Variants in ROBO2 observed in about 807,000 individuals in gnomAD.
ROBO2 encodes the protein roundabout homolog 2.
ROBO2 carries 53 observed loss-of-function variants against 160.8 expected under a neutral mutation model. That is an observed-to-expected ratio of 0.33 (90% CI 0.26 to 0.41). The LOEUF is 0.41. ROBO2 is among the 10% of genes least tolerant of loss of function. The pLI is 1.00. For missense variants in ROBO2, 1,577 were observed against 1,722.4 expected, an observed-to-expected ratio of 0.92 and a Z score of 1.49; for synonymous variants, 664 against 611.7, an observed-to-expected ratio of 1.09 and a Z score of -1.26.
In ROBO2 at chr3:76,032,192, C is replaced by G. The variant is rs897815606; in HGVS notation, c.109+94590C>G. 1.8e-4 allele frequency among the ~76,000 whole-genome samples: 28 copies of G among 152,010 alleles called. 1 individual carries two copies. The highest frequency in any genetic ancestry group is 6.8e-4 in the African/African-American group (28 of 41,404). On this transcript the variant is annotated intron_variant, in intron 2 of 26. Coordinates refer to the ROBO2 transcript ENST00000487694. ...ATGGTAGTTTGTATTTCTGTGGGAT[C>G]GGTGGTGATATCCCCTTTATCATTT...
intron 2 of ROBO2, among the ~76,000 whole-genome samples, chr3:76,216,025 A>C (rs980404534): frequency 2.0e-5 from 3 of 152,194 alleles, no homozygotes; most frequent in Admixed American, 1.3e-4. Flanking sequence ...TAAAGGAAAG[A>C]ATTTTCAACC....
At chr3:77,589,853 G>A (rs775729) in intron 17 of ROBO2, among the ~76,000 whole-genome samples, 152,110 of 152,290 alleles carry the variant, frequency 1, 75,965 homozygotes, top group Middle Eastern at 1. Flanking sequence ...TAAGGGAGCA[G>A]TTTTAATTTG....
At chr3:76,622,187 A>G (rs5019081) in intron 2 of ROBO2, among the ~76,000 whole-genome samples, 3,910 of 56,914 alleles carry the variant, frequency 0.069, 946 homozygotes, top group South Asian at 0.14. Context: ...CTACTAAAAA[A>G]AAGAAAGGAA....
At chr3:77,342,552 G>A (rs147604723) in intron 2 of ROBO2, among the ~76,000 whole-genome samples, 79 of 152,190 alleles carry the variant, frequency 5.2e-4, no homozygotes, top group African/African-American at 1.6e-3. Context: ...TATAAACTGC[G>A]TCTGAATATC....
In ROBO2 at chr3:77,317,106, C is replaced by G. The variant is rs944634956; in HGVS notation, c.389-160308C>G. 2.3e-6 allele frequency: 3 copies of G among 1,309,146 alleles called. No homozygotes were observed. In the African/African-American group the frequency reaches 4.3e-5, roughly 19 times the overall value. 81.1% of individuals were successfully genotyped at this position (1,309,146 alleles called of 1,614,324 possible). A position where few individuals can be genotyped will look rare whatever the true frequency, so the allele number is the denominator to read the frequency against. ...TCCTGTAGCCAACTGCAAAGTTGCTCTGGGTCACTCAGGAAGGACTTTGCA... is the reference window on the plus strand; with the variant it reads ...TCCTGTAGCCAACTGCAAAGTTGCTGTGGGTCACTCAGGAAGGACTTTGCA... On this transcript the variant is annotated intron_variant, in intron 2 of 25. Coordinates refer to ENST00000461745, the Ensembl canonical transcript of ROBO2.
intron 2 of ROBO2, among the ~76,000 whole-genome samples, chr3:77,423,112 C>T (rs1229796138): frequency 6.6e-6 from 1 of 152,124 alleles, no homozygotes. Context: ...CCACATTACT[C>T]ATTGGACCAA....
chr3:75,986,518 AT>A (rs1478058654), intron 2 of ROBO2, among the ~76,000 whole-genome samples: 1 of 150,770 alleles, frequency 6.6e-6, no homozygotes, highest in African/African-American at 2.4e-5. Flanking sequence ...TGATGATAGT[AT>A]TTTTTGGCAG....
intron 2 of ROBO2, among the ~76,000 whole-genome samples, chr3:77,368,230 A>G (rs1213014585): frequency 7.1e-6 from 1 of 141,136 alleles, no homozygotes; most frequent in Non-Finnish European, 1.5e-5. Flanking sequence ...TTCTTATTGA[A>G]ATTATTTGGG....
rs2091965340 is a variant in ROBO2, at chr3:77,534,572, C to T, written c.934+11670C>T. Among the ~76,000 whole-genome samples the T allele has an allele frequency of 1.3e-5, 2 of 152,052 alleles. 1 individual carries two copies. Among genetic ancestry groups the T allele is most frequent in the Admixed American group, 1.3e-4 (2 of 15,278 alleles). On this transcript the variant is annotated intron_variant, in intron 6 of 25. Coordinates refer to ENST00000461745, the Ensembl canonical transcript of ROBO2. Reference sequence around the variant, plus strand: ...AATATATCTTATGATGTGTGTTACACCTACATATGCATGATATTTGAATTG... The same window carrying T: ...AATATATCTTATGATGTGTGTTACATCTACATATGCATGATATTTGAATTG...
intron 24 of ROBO2, among the ~76,000 whole-genome samples, chr3:77,636,358 C>A (rs1303025690): frequency 6.6e-6 from 1 of 152,036 alleles, no homozygotes; most frequent in Non-Finnish European, 1.5e-5. Flanking sequence ...CTGTAGGAGG[C>A]TGAGGCGGGC....
At chr3:76,443,434 T>G (rs1023325904) in intron 2 of ROBO2, among the ~76,000 whole-genome samples, 1 of 152,124 alleles carries the variant, frequency 6.6e-6, no homozygotes, top group Non-Finnish European at 1.5e-5. Context: ...TGAGTATACG[T>G]AGGGACTATT....
intron 2 of ROBO2, among the ~76,000 whole-genome samples, chr3:76,215,825 C>T (rs1441606106): frequency 6.6e-6 from 1 of 152,112 alleles, no homozygotes; most frequent in Non-Finnish European, 1.5e-5. Context: ...CAAAGATAAT[C>T]CTCGAGAAGA....
At chr3:77,253,013 G>T (rs1041542668) in intron 2 of ROBO2, among the ~76,000 whole-genome samples, 6 of 151,260 alleles carry the variant, frequency 4.0e-5, no homozygotes, top group Admixed American at 1.3e-4. Flanking sequence ...AACATTACAG[G>T]TATTTGTGGG....
chr3:76,375,181 C>T (rs1202919386), intron 2 of ROBO2, among the ~76,000 whole-genome samples: 2 of 151,902 alleles, frequency 1.3e-5, no homozygotes, highest in African/African-American at 2.4e-5. Flanking sequence ...GTTGTCTTGG[C>T]AACCTATGAG....
intron 2 of ROBO2, among the ~76,000 whole-genome samples, chr3:76,798,912 A>T (rs1488315455): frequency 7.7e-6 from 1 of 130,568 alleles, no homozygotes. Context: ...AACAACAACA[A>T]CAACAAACCC....
At chr3:76,404,142 C>T (rs1380504860) in intron 2 of ROBO2, among the ~76,000 whole-genome samples, 2 of 151,574 alleles carry the variant, frequency 1.3e-5, no homozygotes, top group South Asian at 2.1e-4. Context: ...GAATGTAGCA[C>T]CTTCCATCAA....
At chr3:76,488,491 C>T (rs142539546) in intron 2 of ROBO2, among the ~76,000 whole-genome samples, 143 of 152,262 alleles carry the variant, frequency 9.4e-4, no homozygotes, top group African/African-American at 3.4e-3. Context: ...GTCCTCTCCA[C>T]AGCATATCAG....
intron 2 of ROBO2, among the ~76,000 whole-genome samples, chr3:76,395,067 C>T (rs1459003964): frequency 1.3e-5 from 2 of 151,978 alleles, no homozygotes; most frequent in African/African-American, 4.8e-5. Flanking sequence ...ATTGACCACA[C>T]AGTTGGAAGT....
chr3:75,956,331 T>C (rs532018348), intron 2 of ROBO2, among the ~76,000 whole-genome samples: 1 of 151,790 alleles, frequency 6.6e-6, no homozygotes, highest in Non-Finnish European at 1.5e-5. Context: ...CTTTTGGGTC[T>C]TTCTGTAATG....
Sources: gnomAD v4.1 joint callset for allele counts (sites outside exome capture counted in the v4.1 genomes callset) on GRCh38, gnomAD v4.1.1 for gene constraint, MANE v1.5 for transcripts, NCBI Gene and HGNC (gene_info 2026-07-23, HGNC 2026-07-21) for gene names.